CC2D2A: variants seen among roughly 807,000 people sequenced by gnomAD.
CC2D2A encodes coiled-coil and C2 domain-containing protein 2A.
CC2D2A carries 155 observed loss-of-function variants against 212.9 expected under a neutral mutation model. The ratio of observed to expected loss-of-function variants is 0.73; its 90% CI spans 0.64 to 0.83. CC2D2A has a LOEUF of 0.83. Ranked by LOEUF, CC2D2A falls within the 40% of genes least tolerant of loss-of-function variation. The pLI is 0.00. For synonymous variants in CC2D2A, 667 were observed against 686.5 expected (o/e 0.97, Z 0.44); for missense variants, 1,856 against 1,956.2 (o/e 0.95, Z 0.97).
rs1305716276 is a variant in CC2D2A at position 15,533,331 on chromosome 4, A to G, written c.1605A>G (p.Arg535=). ...FTNTPLKLVL[R]KEKADQKADE... The stretch of plus-strand genomic sequence containing the variant: ...ATACTCCCTTGAAACTTGTTTTGAG[A>G]AAGTAGGCTTTTTTGAAAAATTATT... Residue 535 remains arginine, a splice_region_variant and synonymous_variant, in exon 14 of 37, where the codon AGA becomes AGG. Coordinates refer to ENST00000424120, the MANE Select transcript of CC2D2A (RefSeq NM_001378615.1). 1 of 1,539,858 alleles carries G rather than the reference A, an allele frequency of 6.5e-7. No homozygotes were observed. Among genetic ancestry groups the G allele is most frequent in the Admixed American group, 2.2e-5 (1 of 44,908 alleles).
At chr4:15,541,287 C>G (rs971114735) in intron 17 of CC2D2A, among the ~76,000 whole-genome samples, 1 of 151,898 alleles carries the variant, frequency 6.6e-6, no homozygotes, top group Non-Finnish European at 1.5e-5. Flanking sequence ...CCACTGTACT[C>G]CAGCCTAGGC....
intron 29 of CC2D2A, among the ~76,000 whole-genome samples, chr4:15,575,399 C>T (rs2109079006): frequency 6.6e-6 from 1 of 152,180 alleles, no homozygotes; most frequent in East Asian, 1.9e-4. Context: ...TTCTGTGTGA[C>T]AGACATTTCT....
Position 15,537,946 on chromosome 4 carries a change from T to A in CC2D2A, c.1812T>A (p.Gly604=), listed in dbSNP as rs771792420. ...KRKQAAEEHP[G]DEIAEPYPEE... ...AACAAGCAGCAGAAGAACATCCCGG[T>A]GATGAGATTGCAGAGCCGTATCCCG... Residue 604 remains glycine (G), a synonymous_variant, in exon 16 of 37, where the codon GGT becomes GGA. Coordinates refer to ENST00000424120, the MANE Select transcript of CC2D2A (RefSeq NM_001378615.1). 2.1e-5 allele frequency: 34 copies of A among 1,608,856 alleles called. No homozygotes were observed. The East Asian group carries it at 6.9e-4, about 33-fold the overall frequency.
chr4:15,529,275 G>A (rs796357615), intron 13 of CC2D2A, among the ~76,000 whole-genome samples: 8 of 152,076 alleles, frequency 5.3e-5, no homozygotes, highest in African/African-American at 9.6e-5. Flanking sequence ...CCAACTACTC[G>A]GAAGGCTGAG....
chr4:15,511,172 A>T, intron 7 of CC2D2A, 75 bp from the exon 8 acceptor site: 1 of 1,457,622 alleles, frequency 6.9e-7, no homozygotes, highest in Non-Finnish European at 9.1e-7. Flanking sequence ...GCATTAAGCC[A>T]GCTGTCAGTT....
At chr4:15,553,054 C>A in intron 18 of CC2D2A, 104 bp from the exon 19 acceptor site, 1 of 994,616 alleles carries the variant, frequency 1.0e-6, no homozygotes. Context: ...CTTCATCACC[C>A]CCACCCACTC....
intron 11 of CC2D2A, among the ~76,000 whole-genome samples, chr4:15,525,325 G>A (rs1000273144): frequency 2.0e-5 from 3 of 152,196 alleles, no homozygotes; most frequent in Non-Finnish European, 2.9e-5. Context: ...AAGCAAGAAT[G>A]AGCAGCTGCA....
At chr4:15,478,248 C>T (rs1468427616) in intron 2 of CC2D2A, among the ~76,000 whole-genome samples, 3 of 152,212 alleles carry the variant, frequency 2.0e-5, no homozygotes, top group Non-Finnish European at 4.4e-5. Flanking sequence ...GATGATGTAA[C>T]ATGTATCATT....
intron 28 of CC2D2A, among the ~76,000 whole-genome samples, chr4:15,570,984 A>G (rs1720139520): frequency 1.3e-5 from 2 of 152,244 alleles, no homozygotes; most frequent in African/African-American, 4.8e-5. Context: ...AGAAGGCTCA[A>G]AAGAAACAAA....
intron 24 of CC2D2A, among the ~76,000 whole-genome samples, chr4:15,565,625 A>G (rs766954901): frequency 3.3e-5 from 5 of 152,014 alleles, no homozygotes; most frequent in African/African-American, 4.8e-5. Flanking sequence ...TTTACTTCTT[A>G]GACCCAGGGT....
At chr4:15,541,339 T>A (rs12332063) in intron 17 of CC2D2A, among the ~76,000 whole-genome samples, 14,280 of 147,230 alleles carry the variant, frequency 0.097, 1,434 homozygotes, top group African/African-American at 0.27. Context: ...TAATAATAAT[T>A]ATTATTATTA....
At chr4:15,588,072 A>T (rs1196841230) in intron 32 of CC2D2A, 143 bp downstream of exon 32, 1 of 557,166 alleles carries the variant, frequency 1.8e-6, no homozygotes, top group East Asian at 2.9e-5. Context: ...ACGGGCAGAG[A>T]GAACTACCAG....
intron 13 of CC2D2A, among the ~76,000 whole-genome samples, chr4:15,532,586 A>C (rs1250482004): frequency 2.0e-5 from 3 of 152,248 alleles, no homozygotes; most frequent in Admixed American, 6.5e-5. Context: ...TTGTTCAAAA[A>C]TTTAGTAATT....
intron 23 of CC2D2A, among the ~76,000 whole-genome samples, chr4:15,562,420 C>T (rs1368902281): frequency 1.3e-5 from 2 of 152,232 alleles, no homozygotes; most frequent in Admixed American, 6.5e-5. Context: ...GGTCCATGAA[C>T]GTTTCTCCTA....
At chr4:15,559,718 C>G (rs1388408125) in intron 22 of CC2D2A, among the ~76,000 whole-genome samples, 1 of 145,016 alleles carries the variant, frequency 6.9e-6, no homozygotes, top group Non-Finnish European at 1.5e-5. Context: ...GCCACAAATG[C>G]TAAGTGACTA....
At chr4:15,566,902 G>T (rs1216921068) in intron 24 of CC2D2A, among the ~76,000 whole-genome samples, 1 of 152,100 alleles carries the variant, frequency 6.6e-6, no homozygotes, top group African/African-American at 2.4e-5. Flanking sequence ...TTGAGCCTGG[G>T]AGGTTGAGGC....
At chr4:15,570,357 T>C in intron 27 of CC2D2A, 41 bp from the exon 28 acceptor site, 2 of 1,249,350 alleles carry the variant, frequency 1.6e-6, no homozygotes, top group Non-Finnish European at 2.3e-6. Context: ...AATGAGTTTC[T>C]GGAGTTCTTA....
At chr4:15,490,688 C>T (rs1425127353) in intron 4 of CC2D2A, among the ~76,000 whole-genome samples, 1 of 151,938 alleles carries the variant, frequency 6.6e-6, no homozygotes, top group Non-Finnish European at 1.5e-5. Flanking sequence ...GAGAAGACTA[C>T]CCCTCATATT....
chr4:15,510,063 G>A (rs978250195), intron 6 of CC2D2A, 76 bp from the exon 7 acceptor site: 10 of 1,080,810 alleles, frequency 9.3e-6, no homozygotes, highest in Non-Finnish European at 1.4e-5. Context: ...GGGATGGGGG[G>A]GTTAACCTTC....
Sources: gnomAD v4.1 joint callset for allele counts (sites outside exome capture counted in the v4.1 genomes callset) on GRCh38, gnomAD v4.1.1 for gene constraint, MANE v1.5 for transcripts, NCBI Gene and HGNC (gene_info 2026-07-23, HGNC 2026-07-21) for gene names.